Variants in TMOD1 observed in about 807,000 individuals in gnomAD.
TMOD1 encodes the protein tropomodulin-1.
TMOD1 carries 17 observed loss-of-function variants against 40.6 expected under a neutral mutation model. The observed-to-expected ratio is 0.42, with a 90% CI of 0.29 to 0.63. The LOEUF (loss-of-function observed/expected upper bound fraction) is 0.63. Among genes scored for constraint, TMOD1 ranks in the 20% least tolerant of loss-of-function variants. The probability of loss-of-function intolerance (pLI) is 0.22; values close to 1 mark genes in which losing one functional copy is unlikely to be tolerated. For missense variants in TMOD1, 391 were observed against 447.6 expected (o/e 0.87, Z 1.14); for synonymous variants, 181 against 175.0 (o/e 1.03, Z -0.27).
At chr9:97,555,252 G>T (rs892780260) in intron 4 of TMOD1, among the ~76,000 whole-genome samples, 3 of 152,186 alleles carry the variant, frequency 2.0e-5, no homozygotes, top group African/African-American at 7.2e-5. Flanking sequence ...TCTCCCCGAA[G>T]TCCCTTGAGG....
intron 4 of TMOD1, among the ~76,000 whole-genome samples, chr9:97,558,604 C>G (rs1830568833): frequency 6.6e-6 from 1 of 152,088 alleles, no homozygotes; most frequent in Non-Finnish European, 1.5e-5. Context: ...CCACCATGCC[C>G]TGCTAATTTT....
intron 4 of TMOD1, among the ~76,000 whole-genome samples, chr9:97,560,803 C>A (rs774691799): frequency 6.6e-6 from 1 of 151,710 alleles, no homozygotes; most frequent in Admixed American, 6.6e-5. Context: ...GTGGAGTTTA[C>A]TGTGAGCCGA....
chr9:97,567,811 T>C (rs1400221752), intron 7 of TMOD1, among the ~76,000 whole-genome samples: 2 of 152,078 alleles, frequency 1.3e-5, no homozygotes, highest in Non-Finnish European at 2.9e-5. Context: ...AACAGAGGGC[T>C]TCCTGGGAGC....
chr9:97,514,969 A>G (rs1379754366), intron 1 of TMOD1, among the ~76,000 whole-genome samples: 1 of 152,136 alleles, frequency 6.6e-6, no homozygotes, highest in Non-Finnish European at 1.5e-5. Context: ...TAAGAGAAAG[A>G]AATTGGCAGC....
chr9:97,575,277 T>G (rs894171306), intron 8 of TMOD1, among the ~76,000 whole-genome samples: 1 of 151,830 alleles, frequency 6.6e-6, no homozygotes, highest in Non-Finnish European at 1.5e-5. Context: ...GGCCTGCAGC[T>G]TCACTCCTGA....
chr9:97,591,933 G>A (rs1826010523), intron 9 of TMOD1, among the ~76,000 whole-genome samples: 1 of 151,982 alleles, frequency 6.6e-6, no homozygotes, highest in Non-Finnish European at 1.5e-5. Context: ...AGTAAAAGTA[G>A]GGTATATTAA....
chr9:97,589,929 G>A (rs1465872186), intron 8 of TMOD1, among the ~76,000 whole-genome samples: 1 of 151,698 alleles, frequency 6.6e-6, no homozygotes, highest in Non-Finnish European at 1.5e-5. Context: ...TATAAAGAAG[G>A]AAACAAAAAC....
intron 2 of TMOD1, among the ~76,000 whole-genome samples, chr9:97,536,020 C>A (rs543778127): frequency 5.3e-5 from 8 of 152,110 alleles, no homozygotes; most frequent in Non-Finnish European, 1.0e-4. Context: ...AACATCAAGA[C>A]GCTGTGACTG....
chr9:97,545,211 G>A (rs10759765), intron 2 of TMOD1, among the ~76,000 whole-genome samples: 65,963 of 152,092 alleles, frequency 0.43, 14,598 homozygotes, highest in East Asian at 0.61. Context: ...GCTGGTTTTT[G>A]TTCTAGATCT....
At chr9:97,503,254 T>G (rs1349829357) in intron 1 of TMOD1, among the ~76,000 whole-genome samples, 2 of 152,194 alleles carry the variant, frequency 1.3e-5, no homozygotes, top group Non-Finnish European at 2.9e-5. Context: ...CCCTTCCCAC[T>G]GCTCAGGCAG....
chr9:97,600,912 T>TTTTG lies in TMOD1; in HGVS notation c.*1221_*1224dup, dbSNP rs1307483138. 3.5e-6 allele frequency: 4 copies of TTTTG among 1,157,376 alleles called. No individual in the cohort carries two copies. The highest frequency in any genetic ancestry group is 4.4e-6 in the Non-Finnish European group (4 of 918,814). The allele number at this position is 1,157,376 out of a possible 1,614,324, so 71.7% of individuals were successfully genotyped here. ...ACCACAGTGCCAGTTAAACTAATAT[T>TTTTG]TTTGTTTGTTGCTTTTGGGAGTTAT... is the stretch of plus-strand genomic sequence containing the variant. On this transcript the variant is annotated 3_prime_UTR_variant, in exon 10 of 10. Transcript: ENST00000259365.
At chr9:97,524,537 T>TGTGTGTGTG (rs1564231775) in intron 2 of TMOD1, among the ~76,000 whole-genome samples, 3 of 146,940 alleles carry the variant, frequency 2.0e-5, no homozygotes, top group Non-Finnish European at 3.0e-5. Flanking sequence ...TGTGTGTGTG[T>TGTGTGTGTG]CGAGACAGAG....
chr9:97,543,133 T>TA (rs1375586923), intron 2 of TMOD1, among the ~76,000 whole-genome samples: 3 of 152,320 alleles, frequency 2.0e-5, no homozygotes, highest in African/African-American at 7.2e-5. Context: ...TCCCCTCAGT[T>TA]ACAACCCCTG....
At position 97,585,351 on chromosome 9, in the gene TMOD1, G is replaced by A. The variant is rs1466736163; in HGVS notation, c.871-5940G>A. On this transcript the variant is annotated intron_variant, in intron 8 of 9. Transcript: ENST00000259365. ...ATTGGCCCCCACTCTCTTCTGGCTT[G>A]TAGGGTTTCTGCCGAGAGATCCGCT... Among the ~76,000 whole-genome samples the A allele has an allele frequency of 2.0e-3, 272 of 134,504 alleles. 9 individuals are homozygous for A. The East Asian group carries it at 0.054, about 27-fold the overall frequency. 88.2% of individuals were successfully genotyped at this position (134,504 alleles called of 152,430 possible).
At chr9:97,559,417 C>T (rs1830582796) in intron 4 of TMOD1, among the ~76,000 whole-genome samples, 1 of 151,382 alleles carries the variant, frequency 6.6e-6, no homozygotes, top group Non-Finnish European at 1.5e-5. Flanking sequence ...GAGATCATCT[C>T]ATCTTGTGGT....
At chr9:97,590,338 C>T (rs531239881) in intron 8 of TMOD1, among the ~76,000 whole-genome samples, 7 of 152,246 alleles carry the variant, frequency 4.6e-5, no homozygotes, top group African/African-American at 1.7e-4. Flanking sequence ...ATTCTCCTGC[C>T]TCAGCCTCCC....
chr9:97,516,748 A>T (rs1420401489), intron 1 of TMOD1: 1 of 151,952 alleles, frequency 6.6e-6, no homozygotes, highest in Non-Finnish European at 1.5e-5. Flanking sequence ...ACACAGCATG[A>T]CTCCAGTCAT....
At chr9:97,527,714 G>A (rs951154310) in intron 2 of TMOD1, among the ~76,000 whole-genome samples, 1 of 152,212 alleles carries the variant, frequency 6.6e-6, no homozygotes, top group Non-Finnish European at 1.5e-5. Context: ...GAGCCCTTGA[G>A]GGTCAGAGAC....
intron 7 of TMOD1, among the ~76,000 whole-genome samples, chr9:97,567,462 C>T (rs1830745423): frequency 6.6e-6 from 1 of 152,308 alleles, no homozygotes; most frequent in South Asian, 2.1e-4. Context: ...TTCTCCTGGC[C>T]CCGGTTCCTC....
Sources: gnomAD v4.1 joint callset for allele counts (sites outside exome capture counted in the v4.1 genomes callset) on GRCh38, gnomAD v4.1.1 for gene constraint, MANE v1.5 for transcripts, NCBI Gene and HGNC (gene_info 2026-07-23, HGNC 2026-07-21) for gene names.